EPHA5: variants seen among roughly 807,000 people sequenced by gnomAD.
The protein encoded by EPHA5 is ephrin type-A receptor 5.
EPHA5 carries 60 observed loss-of-function variants against 105.0 expected under a neutral mutation model. The ratio of observed to expected loss-of-function variants is 0.57; its 90% CI spans 0.46 to 0.71. The LOEUF (loss-of-function observed/expected upper bound fraction) is 0.71, where lower values mean the gene tolerates loss of function less well. EPHA5 is among the 30% of genes least tolerant of loss of function. The pLI is 0.00. For synonymous variants in EPHA5, 513 were observed against 449.1 expected (o/e 1.14, Z -1.80); for missense variants, 1,218 against 1,274.7 (o/e 0.96, Z 0.68).
chr4:65,364,523 C>A (rs555928507), intron 11 of EPHA5, among the ~76,000 whole-genome samples: 17 of 151,630 alleles, frequency 1.1e-4, no homozygotes, highest in Admixed American at 5.9e-4. Flanking sequence ...TTAAAAGGAA[C>A]TTTTCCTGTC....
intron 14 of EPHA5, among the ~76,000 whole-genome samples, chr4:65,346,467 T>A (rs1359332926): frequency 6.6e-6 from 1 of 152,100 alleles, no homozygotes; most frequent in Non-Finnish European, 1.5e-5. Context: ...ATATTCTGAT[T>A]TTGACATTTC....
intron 6 of EPHA5, among the ~76,000 whole-genome samples, chr4:65,417,698 C>G (rs960677399): frequency 6.6e-6 from 1 of 151,224 alleles, no homozygotes; most frequent in Non-Finnish European, 1.5e-5. Flanking sequence ...AATATAAGAC[C>G]AAATCATACT....
chr4:65,566,258 A>G (rs926436373), intron 3 of EPHA5, among the ~76,000 whole-genome samples: 2 of 151,800 alleles, frequency 1.3e-5, no homozygotes, highest in Non-Finnish European at 3.0e-5. Flanking sequence ...AACAGTCTAA[A>G]TGGATTAAAT....
intron 15 of EPHA5, among the ~76,000 whole-genome samples, chr4:65,333,361 T>C (rs751807617): frequency 2.0e-5 from 3 of 151,760 alleles, no homozygotes; most frequent in Non-Finnish European, 2.9e-5. Context: ...CTAGTTGAGA[T>C]GGTCAATGAT....
At chr4:65,340,185 A>C (rs1721578162) in intron 14 of EPHA5, among the ~76,000 whole-genome samples, 1 of 152,156 alleles carries the variant, frequency 6.6e-6, no homozygotes, top group Admixed American at 6.5e-5. Flanking sequence ...GGGGCACACC[A>C]GCACACATAG....
At chr4:65,349,283 T>C (rs1242176545) in intron 13 of EPHA5, among the ~76,000 whole-genome samples, 2 of 152,024 alleles carry the variant, frequency 1.3e-5, no homozygotes, top group Admixed American at 6.6e-5. Context: ...ATTATTGAAA[T>C]TGGATTGGGG....
intron 3 of EPHA5, among the ~76,000 whole-genome samples, chr4:65,537,205 T>A (rs1445275287): frequency 5.9e-5 from 9 of 151,826 alleles, no homozygotes. Flanking sequence ...TCCAATAGAT[T>A]CTTTGTAACT....
rs555760571 is a variant in EPHA5, at chr4:65,516,132, G to T, written c.911-20589C>A. Among the ~76,000 whole-genome samples the T allele has an allele frequency of 5.9e-5, 9 of 152,168 alleles. No individual in the cohort carries two copies. The East Asian group carries it at 1.7e-3, about 29-fold the overall frequency. On this transcript the variant is annotated intron_variant, in intron 3 of 16. Transcript: ENST00000613740. ...ATCCTTGAACAATGTGGGGGTTGAGGCATCGACCAGCATACAGTCTAAAAT... is the reference window on the plus strand; with the variant it reads ...ATCCTTGAACAATGTGGGGGTTGAGTCATCGACCAGCATACAGTCTAAAAT...
intron 4 of EPHA5, among the ~76,000 whole-genome samples, chr4:65,491,239 C>T (rs1241573200): frequency 6.7e-6 from 1 of 149,762 alleles, no homozygotes; most frequent in Non-Finnish European, 1.5e-5. Context: ...GTTGCTAAAT[C>T]ACCAACAGAA....
At chr4:65,447,955 G>T (rs1037075620) in intron 5 of EPHA5, among the ~76,000 whole-genome samples, 10 of 152,138 alleles carry the variant, frequency 6.6e-5, no homozygotes, top group African/African-American at 2.4e-4. Context: ...AAGATTTAAA[G>T]ACACAACAAT....
chr4:65,669,258 C>T (rs188040935), intron 1 of EPHA5, among the ~76,000 whole-genome samples: 2,295 of 152,002 alleles, frequency 0.015, 23 homozygotes, highest in Middle Eastern at 0.031. Flanking sequence ...GAACGGGCCT[C>T]CATTCCCCAA....
At chr4:65,660,545 C>T (rs549469876) in intron 1 of EPHA5, among the ~76,000 whole-genome samples, 4 of 152,036 alleles carry the variant, frequency 2.6e-5, no homozygotes, top group East Asian at 1.9e-4. Context: ...TTTGGTGTAC[C>T]CACTTGGCTT....
intron 5 of EPHA5, among the ~76,000 whole-genome samples, chr4:65,489,300 A>T (rs947901293): frequency 5.9e-5 from 9 of 152,194 alleles, no homozygotes; most frequent in Non-Finnish European, 1.3e-4. Context: ...AACCAACAGC[A>T]TTCCCACATC....
chr4:65,349,460 C>T (rs553626584), intron 13 of EPHA5, among the ~76,000 whole-genome samples: 16 of 152,096 alleles, frequency 1.1e-4, no homozygotes, highest in African/African-American at 3.1e-4. Context: ...AATATTTCAT[C>T]TATCATCAAA....
intron 2 of EPHA5, among the ~76,000 whole-genome samples, chr4:65,628,960 T>G (rs573565243): frequency 6.6e-6 from 1 of 152,310 alleles, no homozygotes; most frequent in East Asian, 1.9e-4. Flanking sequence ...AGGATTAAGT[T>G]CGATGTTCAT....
chr4:65,510,583 T>C (rs1733521047), intron 3 of EPHA5, among the ~76,000 whole-genome samples: 1 of 152,082 alleles, frequency 6.6e-6, no homozygotes, highest in Non-Finnish European at 1.5e-5. Context: ...TTCTGAAAGG[T>C]TTTAATCAGA....
intron 5 of EPHA5, among the ~76,000 whole-genome samples, chr4:65,454,291 A>AAATAATAAT (rs572468101): frequency 4.9e-4 from 73 of 149,946 alleles, no homozygotes; most frequent in African/African-American, 1.7e-3. Context: ...TAATAATAAT[A>AAATAATAAT]AATAATAATA....
intron 3 of EPHA5, among the ~76,000 whole-genome samples, chr4:65,530,997 TTTTTTTTTA>T (rs879813245): frequency 0.011 from 1,213 of 111,118 alleles, 14 homozygotes; most frequent in African/African-American, 0.036. Flanking sequence ...GCTGGATGGA[TTTTTTTTTA>T]TTTTTTTTAT....
At chr4:65,367,246 A>C (rs940362796) in intron 9 of EPHA5, 111 bp downstream of exon 9, 17 of 909,494 alleles carry the variant, frequency 1.9e-5, no homozygotes, top group Non-Finnish European at 2.4e-5. Context: ...TAAAAAAAAA[A>C]AAAACAATAT....
Sources: allele counts gnomAD v4.1 joint callset (sites outside exome capture counted in the v4.1 genomes callset), GRCh38; gene constraint gnomAD v4.1.1; transcripts MANE v1.5; gene names NCBI Gene and HGNC (gene_info 2026-07-23, HGNC 2026-07-21).